STPG2: variants seen among roughly 807,000 people sequenced by gnomAD.
STPG2 encodes the protein sperm tail PG-rich repeat containing 2.
Under a neutral mutation model 54.2 loss-of-function variants are expected in STPG2, and 56 were observed. The observed-to-expected ratio is 1.03, with a 90% confidence interval of 0.83 to 1.29. STPG2 has a LOEUF of 1.29. Among genes scored for constraint, STPG2 ranks in the 50% most tolerant of loss-of-function variants. The probability of loss-of-function intolerance (pLI) is 0.00; values close to 1 mark genes in which losing one functional copy is unlikely to be tolerated. For missense variants in STPG2, 596 were observed against 544.9 expected (o/e 1.09, Z -0.93); for synonymous variants, 200 against 181.8 (o/e 1.10, Z -0.81).
intron 9 of STPG2, among the ~76,000 whole-genome samples, chr4:97,742,054 G>A (rs1725258332): frequency 6.6e-6 from 1 of 152,116 alleles, no homozygotes; most frequent in African/African-American, 2.4e-5. Flanking sequence ...ATGAGTTCAT[G>A]TCCTTTGTAG....
At chr4:97,830,123 G>A (rs1382192723) in intron 9 of STPG2, among the ~76,000 whole-genome samples, 1 of 151,996 alleles carries the variant, frequency 6.6e-6, no homozygotes, top group Non-Finnish European at 1.5e-5. Flanking sequence ...GCAGCCAGAG[G>A]GAAAAGTCGC....
intron 5 of STPG2, among the ~76,000 whole-genome samples, chr4:98,098,601 C>G (rs915348737): frequency 2.0e-5 from 3 of 152,146 alleles, no homozygotes; most frequent in Admixed American, 6.5e-5. Flanking sequence ...GCACAGGTAA[C>G]CAAAGCAAAA....
intron 5 of STPG2, among the ~76,000 whole-genome samples, chr4:98,098,665 C>A (rs563298378): frequency 6.6e-6 from 1 of 152,164 alleles, no homozygotes; most frequent in Non-Finnish European, 1.5e-5. Context: ...GCAAAGGAAA[C>A]AATCAACAAA....
At chr4:97,622,590 C>T (rs2148925485) in intron 10 of STPG2, among the ~76,000 whole-genome samples, 1 of 152,126 alleles carries the variant, frequency 6.6e-6, no homozygotes, top group East Asian at 1.9e-4. Context: ...ACAAGAATTA[C>T]AAAACACTGC....
At chr4:97,709,655 A>G (rs1428188913) in intron 10 of STPG2, among the ~76,000 whole-genome samples, 2 of 151,804 alleles carry the variant, frequency 1.3e-5, no homozygotes, top group African/African-American at 2.4e-5. Flanking sequence ...TAGTCACTGT[A>G]TAATTTAAAT....
chr4:97,727,835 A>G (rs1724673032), intron 9 of STPG2, among the ~76,000 whole-genome samples: 1 of 151,966 alleles, frequency 6.6e-6, no homozygotes, highest in African/African-American at 2.4e-5. Flanking sequence ...GTCTAAAATT[A>G]TAATTTAAAT....
chr4:97,631,863 T>C (rs997657), intron 10 of STPG2, among the ~76,000 whole-genome samples: 17,848 of 152,054 alleles, frequency 0.12, 3,167 homozygotes, highest in African/African-American at 0.39. Context: ...AGTAGACTAC[T>C]TTTTTCTTTT....
intron 8 of STPG2, among the ~76,000 whole-genome samples, chr4:97,902,214 G>T (rs937774453): frequency 6.6e-6 from 1 of 151,992 alleles, no homozygotes; most frequent in African/African-American, 2.4e-5. Context: ...AGAAAACAGA[G>T]GGGGAAAGCT....
chr4:97,887,949 G>A (rs1414812029), intron 8 of STPG2, among the ~76,000 whole-genome samples: 9 of 152,152 alleles, frequency 5.9e-5, no homozygotes, highest in Admixed American at 5.9e-4. Context: ...AAGTGTTCAG[G>A]TACAGCTCAG....
chr4:97,499,429 C>T (rs1426994080), intron 4 of STPG2, among the ~76,000 whole-genome samples: 8 of 151,856 alleles, frequency 5.3e-5, no homozygotes, highest in Non-Finnish European at 8.8e-5. Context: ...TGAGGAAATA[C>T]GAGTGAACAA....
intron 5 of STPG2, among the ~76,000 whole-genome samples, chr4:98,015,290 A>G (rs149353830): frequency 0.012 from 1,817 of 151,706 alleles, 17 homozygotes; most frequent in Non-Finnish European, 0.019. Context: ...ATGGGAGAAA[A>G]TTTTTGCAAT....
At position 97,968,878 on chromosome 4, in the gene STPG2, G is replaced by A. The variant is rs142135604; in HGVS notation, c.933+3402C>T. Among the ~76,000 whole-genome samples, 1,504 of 152,316 alleles carry A rather than the reference G, an allele frequency of 9.9e-3. 11 individuals carry two copies. Among genetic ancestry groups the A allele is most frequent in the Non-Finnish European group, 0.015 (1,011 of 68,036 alleles). ...GGCTGCCAGAATGAGCCAACAGCGC[G>A]TGATGTGCTTCCCCCTGCAGAGAGC... On this transcript the variant is annotated intron_variant, in intron 7 of 10. Transcript: ENST00000295268.
At chr4:97,934,305 A>G (rs1313621203) in intron 8 of STPG2, among the ~76,000 whole-genome samples, 1 of 152,198 alleles carries the variant, frequency 6.6e-6, no homozygotes, top group Non-Finnish European at 1.5e-5. Context: ...ATTGTCTGCA[A>G]ACAGAGACAA....
chr4:97,529,363 G>A (rs923839781), intron 4 of STPG2, among the ~76,000 whole-genome samples: 1 of 152,148 alleles, frequency 6.6e-6, no homozygotes, highest in African/African-American at 2.4e-5. Context: ...GCTTTTTGAT[G>A]TTCTGCTGGA....
intron 1 of STPG2, among the ~76,000 whole-genome samples, chr4:98,135,395 G>C (rs575066801): frequency 2.6e-5 from 4 of 151,800 alleles, no homozygotes; most frequent in South Asian, 4.1e-4. Flanking sequence ...ATTTGTGTTA[G>C]GTATTGCAAC....
intron 10 of STPG2, among the ~76,000 whole-genome samples, chr4:97,598,210 C>T (rs1053064994): frequency 2.0e-5 from 3 of 151,778 alleles, no homozygotes; most frequent in Non-Finnish European, 4.4e-5. Context: ...AGAAAAATTA[C>T]AAAAGACTGC....
At chr4:98,123,827 T>C (rs1395356480) in intron 3 of STPG2, among the ~76,000 whole-genome samples, 1 of 152,192 alleles carries the variant, frequency 6.6e-6, no homozygotes, top group African/African-American at 2.4e-5. Context: ...TAAGTCTCTT[T>C]GTAGGTCTCT....
At chr4:97,948,808 T>A (rs774197993) in intron 7 of STPG2, among the ~76,000 whole-genome samples, 4 of 152,126 alleles carry the variant, frequency 2.6e-5, no homozygotes, top group Non-Finnish European at 4.4e-5. Context: ...TTCACATTTA[T>A]TGAGACTTGT....
At chr4:97,742,122 C>A (rs935652622) in intron 9 of STPG2, among the ~76,000 whole-genome samples, 9 of 151,516 alleles carry the variant, frequency 5.9e-5, no homozygotes, top group African/African-American at 1.7e-4. Flanking sequence ...GAAAAAAAAA[C>A]CAAACACCGC....
Sources: allele counts gnomAD v4.1 joint callset (sites outside exome capture counted in the v4.1 genomes callset), GRCh38; gene constraint gnomAD v4.1.1; transcripts MANE v1.5; gene names NCBI Gene and HGNC (gene_info 2026-07-23, HGNC 2026-07-21).